The following PRKCE variants were observed in gnomAD, a reference collection of about 807,000 sequenced individuals.
The protein encoded by PRKCE is protein kinase C epsilon type.
In PRKCE, 16 loss-of-function variants were observed where a neutral mutation model predicts 85.4. That is an observed-to-expected ratio of 0.19 (90% CI 0.13 to 0.28). The LOEUF is 0.28. PRKCE is among the 10% of genes least tolerant of loss of function. PRKCE has a pLI of 1.00. For missense variants in PRKCE, 573 were observed against 975.2 expected, an observed-to-expected ratio of 0.59 and a Z score of 5.49; for synonymous variants, 388 against 371.5, an observed-to-expected ratio of 1.04 and a Z score of -0.51.
At chr2:46,006,215 A>G (rs1470314911) in intron 8 of PRKCE, among the ~76,000 whole-genome samples, 1 of 152,374 alleles carries the variant, frequency 6.6e-6, no homozygotes, top group African/African-American at 2.4e-5. Flanking sequence ...GTAAAGACAC[A>G]TAGAAAAACC....
chr2:45,701,042 A>G (rs1342705949), intron 1 of PRKCE, among the ~76,000 whole-genome samples: 1 of 152,196 alleles, frequency 6.6e-6, no homozygotes, highest in African/African-American at 2.4e-5. Flanking sequence ...AGGCATTTCC[A>G]TTGTTTTAAG....
chr2:45,865,543 T>A (rs1444875237), intron 2 of PRKCE, among the ~76,000 whole-genome samples: 1 of 152,198 alleles, frequency 6.6e-6, no homozygotes, highest in Admixed American at 6.5e-5. Flanking sequence ...GTTGTGCATG[T>A]GATAGTATTA....
At chr2:45,908,289 G>A (rs970050204) in intron 2 of PRKCE, among the ~76,000 whole-genome samples, 2 of 152,212 alleles carry the variant, frequency 1.3e-5, no homozygotes, top group African/African-American at 4.8e-5. Context: ...GCACTGGGAA[G>A]AAGCAAGTGC....
intron 1 of PRKCE, among the ~76,000 whole-genome samples, chr2:45,828,561 T>C (rs1690145218): frequency 6.6e-6 from 1 of 152,232 alleles, no homozygotes; most frequent in African/African-American, 2.4e-5. Context: ...CTTTTCAAGA[T>C]ATATGAAAAT....
intron 11 of PRKCE, among the ~76,000 whole-genome samples, chr2:46,095,595 A>G (rs535519770): frequency 6.6e-6 from 1 of 152,262 alleles, no homozygotes; most frequent in Non-Finnish European, 1.5e-5. Flanking sequence ...AGCTTTGGGG[A>G]TAGGAAGATG....
intron 1 of PRKCE, among the ~76,000 whole-genome samples, chr2:45,690,659 C>A (rs904724406): frequency 1.3e-5 from 2 of 152,206 alleles, no homozygotes; most frequent in Non-Finnish European, 2.9e-5. Flanking sequence ...AGATGAACCT[C>A]TTAAAGAGAA....
At position 45,781,927 on chromosome 2, in the gene PRKCE, A is replaced by G. The variant is rs1686223041; in HGVS notation, c.349-61073A>G. ...ATCCCTCTTCAGTCTACTCACTTGAAAAACAAATTACCTGAATCCTAGACA... is the reference window on the plus strand; with the variant it reads ...ATCCCTCTTCAGTCTACTCACTTGAGAAACAAATTACCTGAATCCTAGACA... On this transcript the variant is annotated intron_variant, in intron 1 of 14. Coordinates refer to ENST00000306156, the MANE Select transcript of PRKCE (RefSeq NM_005400.3). Among the ~76,000 whole-genome samples the G allele has an allele frequency of 2.6e-5, 4 of 152,196 alleles. No individual in the cohort carries two copies. In the South Asian group the frequency reaches 8.3e-4, roughly 31 times the overall value.
intron 2 of PRKCE, among the ~76,000 whole-genome samples, chr2:45,922,676 A>G (rs1698338895): frequency 1.3e-5 from 2 of 152,212 alleles, no homozygotes; most frequent in East Asian, 1.9e-4. Context: ...TGCACTTACC[A>G]TGAGGCAAGA....
intron 1 of PRKCE, among the ~76,000 whole-genome samples, chr2:45,688,700 AT>A (rs1283198480): frequency 6.6e-6 from 1 of 152,214 alleles, no homozygotes; most frequent in African/African-American, 2.4e-5. Flanking sequence ...CACTTCAGCT[AT>A]TGCATTGGTA....
intron 2 of PRKCE, among the ~76,000 whole-genome samples, chr2:45,889,991 A>T (rs1695599814): frequency 6.6e-6 from 1 of 152,130 alleles, no homozygotes; most frequent in South Asian, 2.1e-4. Flanking sequence ...CACTCTAGTA[A>T]ATGGAGGTTT....
chr2:46,053,027 C>G (rs1025846358), intron 10 of PRKCE, among the ~76,000 whole-genome samples: 3 of 152,186 alleles, frequency 2.0e-5, no homozygotes, highest in African/African-American at 7.2e-5. Context: ...TGCCTGTGAA[C>G]TTACGGATGA....
chr2:45,894,331 C>T (rs1422179160), intron 2 of PRKCE, among the ~76,000 whole-genome samples: 1 of 151,596 alleles, frequency 6.6e-6, no homozygotes, highest in Non-Finnish European at 1.5e-5. Flanking sequence ...CAATGAACAC[C>T]TGGTTAATGC....
intron 2 of PRKCE, among the ~76,000 whole-genome samples, chr2:45,879,617 G>C (rs1169795955): frequency 6.6e-6 from 1 of 152,182 alleles, no homozygotes; most frequent in Non-Finnish European, 1.5e-5. Context: ...GTGGAGTTTT[G>C]CTCCTGCTGG....
intron 1 of PRKCE, among the ~76,000 whole-genome samples, chr2:45,736,527 C>A (rs1224595458): frequency 1.3e-5 from 2 of 152,182 alleles, no homozygotes; most frequent in African/African-American, 4.8e-5. Context: ...TCACCTCTTC[C>A]AGGAAGGCTT....
At chr2:45,948,662 G>A (rs978451804) in intron 2 of PRKCE, among the ~76,000 whole-genome samples, 1 of 151,942 alleles carries the variant, frequency 6.6e-6, no homozygotes, top group Non-Finnish European at 1.5e-5. Flanking sequence ...TTTTTCACTT[G>A]CTTTCTTGAC....
At chr2:46,140,696 T>C (rs1029857609) in intron 11 of PRKCE, among the ~76,000 whole-genome samples, 3 of 152,122 alleles carry the variant, frequency 2.0e-5, no homozygotes, top group African/African-American at 4.8e-5. Context: ...ATAAATAATA[T>C]TGGCATGACA....
At chr2:46,052,928 CTGAGACAT>C (rs1708946387) in intron 10 of PRKCE, among the ~76,000 whole-genome samples, 1 of 152,196 alleles carries the variant, frequency 6.6e-6, no homozygotes, top group Non-Finnish European at 1.5e-5. Context: ...ATAAATGGTA[CTGAGACAT>C]TTAGTCTTTG....
chr2:45,856,090 C>T (rs780975483), intron 2 of PRKCE, among the ~76,000 whole-genome samples: 19 of 151,904 alleles, frequency 1.3e-4, no homozygotes, highest in Admixed American at 2.0e-4. Context: ...AAATTATAAT[C>T]GATACATAAT....
chr2:45,722,052 T>C (rs1558596536), intron 1 of PRKCE, among the ~76,000 whole-genome samples: 1 of 152,042 alleles, frequency 6.6e-6, no homozygotes. Flanking sequence ...CACCTATCCA[T>C]ATTTATCACA....
Sources: allele counts gnomAD v4.1 joint callset (sites outside exome capture counted in the v4.1 genomes callset), GRCh38; gene constraint gnomAD v4.1.1; transcripts MANE v1.5; gene names NCBI Gene and HGNC (gene_info 2026-07-23, HGNC 2026-07-21).